The following MYSM1 variants were observed in gnomAD, a reference collection of about 807,000 sequenced individuals.
MYSM1 encodes the protein Myb like, SWIRM and MPN domains 1.
In MYSM1, 51 loss-of-function variants were observed where a neutral mutation model predicts 116.0. The ratio of observed to expected loss-of-function variants is 0.44; its 90% CI spans 0.35 to 0.56. The LOEUF (loss-of-function observed/expected upper bound fraction) is 0.56, where lower values mean the gene tolerates loss of function less well. Ranked by LOEUF, MYSM1 falls within the 20% of genes least tolerant of loss-of-function variation. The pLI is 0.00. For missense variants in MYSM1, 900 were observed against 974.9 expected (o/e 0.92, Z 1.02); for synonymous variants, 313 against 315.2 (o/e 0.99, Z 0.07).
At chr1:58,672,687 TAA>T (rs1415200435) in intron 11 of MYSM1, among the ~76,000 whole-genome samples, 2 of 152,138 alleles carry the variant, frequency 1.3e-5, no homozygotes, top group African/African-American at 4.8e-5. Context: ...TCCCTCAGCC[TAA>T]AGTGTATTCA....
At chr1:58,662,495 A>G (rs1418266702) in intron 17 of MYSM1, among the ~76,000 whole-genome samples, 1 of 148,636 alleles carries the variant, frequency 6.7e-6, no homozygotes, top group African/African-American at 2.5e-5. Context: ...ACTACGTCAT[A>G]GAAAGGTTAA....
At chr1:58,693,024 A>T in intron 2 of MYSM1, 93 bp from the exon 3 acceptor site, 3 of 986,648 alleles carry the variant, frequency 3.0e-6, no homozygotes, top group Non-Finnish European at 4.5e-6. Context: ...TATAATGATT[A>T]TAAATGACAG....
chr1:58,674,700 C>T (rs182096047), intron 10 of MYSM1, among the ~76,000 whole-genome samples: 2,484 of 151,938 alleles, frequency 0.016, 69 homozygotes, highest in African/African-American at 0.058. Flanking sequence ...CCAAGGCGGG[C>T]GGATCATGAG....
At chr1:58,699,689 G>A (rs1645034697) in intron 1 of MYSM1, 1 of 985,452 alleles carries the variant, frequency 1.0e-6, no homozygotes, top group Non-Finnish European at 1.2e-6. Flanking sequence ...AGGAGGGAAC[G>A]GAAGAAGGAA....
At chr1:58,663,537 A>G (rs1644425046) in intron 17 of MYSM1, among the ~76,000 whole-genome samples, 1 of 152,236 alleles carries the variant, frequency 6.6e-6, no homozygotes, top group Non-Finnish European at 1.5e-5. Context: ...GGGCAAAGCA[A>G]AAGACCTAGG....
intron 6 of MYSM1, 131 bp downstream of exon 6, chr1:58,688,907 G>A (rs1644865558): frequency 1.4e-6 from 1 of 728,996 alleles, no homozygotes; most frequent in African/African-American, 1.8e-5. Flanking sequence ...TCTAACTACA[G>A]AAGAACTAAA....
intron 8 of MYSM1, among the ~76,000 whole-genome samples, chr1:58,680,880 G>A (rs1644731567): frequency 6.6e-6 from 1 of 150,728 alleles, no homozygotes; most frequent in Non-Finnish European, 1.5e-5. Flanking sequence ...GGAGTGCAGT[G>A]GCACGATCTC....
chr1:58,668,427 C>G (rs1569719765), intron 14 of MYSM1: 1 of 1,315,282 alleles, frequency 7.6e-7, no homozygotes, highest in East Asian at 3.3e-5. Context: ...TGCAAAAACT[C>G]ACATTAATTT....
rs371144064 is a variant in MYSM1 at position 58,671,857 on chromosome 1, T to C, written c.1661+13A>G. 1.8e-5 allele frequency: 29 copies of C among 1,601,108 alleles called. No homozygotes were observed. Among genetic ancestry groups the C allele is most frequent in the Non-Finnish European group, 2.1e-5 (25 of 1,172,266 alleles). ...GATAAATGTTTAAAAACCACATTTA[T>C]ATAACACTACACCTTTTTGTTGGTC... On this transcript the variant is annotated intron_variant, in intron 12 of 19. Coordinates refer to ENST00000472487, the MANE Select transcript of MYSM1 (RefSeq NM_001085487.3).
intron 14 of MYSM1, among the ~76,000 whole-genome samples, chr1:58,668,142 AAAATTCTC>A (rs1480283495): frequency 1.3e-5 from 2 of 152,208 alleles, no homozygotes; most frequent in Non-Finnish European, 2.9e-5. Flanking sequence ...CAAACACTTA[AAAATTCTC>A]AGACTCTACT....
chr1:58,665,605 C>T lies in MYSM1; in HGVS notation c.2058G>A (p.Lys686=), dbSNP rs1281730909. Residue 686 remains lysine (K), a synonymous_variant, in exon 17 of 20, where the codon AAG becomes AAA. Transcript: ENST00000472487. ...AGGGACTAACAATCATCCCAATGAA[C>T]TTTGCACCTCCTCTGGAGAAGTAAC... ...YQSYFSRGGA[K]FIGMIVSPYN... 1 of 1,570,410 alleles carries T rather than the reference C, an allele frequency of 6.4e-7. No homozygotes were observed. The highest frequency in any genetic ancestry group is 8.7e-7 in the Non-Finnish European group (1 of 1,143,034).
rs572794166 is a variant in MYSM1, at chr1:58,654,852, G to A, written c.*5145C>T. 1 of 152,294 alleles carries A rather than the reference G, an allele frequency of 6.6e-6. No individual in the cohort carries two copies. The highest frequency in any genetic ancestry group is 2.1e-4 in the South Asian group (1 of 4,826). 9.4% of individuals were successfully genotyped at this position (152,294 alleles called of 1,614,324 possible). ...ATATCTTATAATGTGTCACAATTAA[G>A]TATGGAGAGTTCTGTCATTTTTGAG... On this transcript the variant is annotated 3_prime_UTR_variant, in exon 20 of 20. Transcript: ENST00000472487.
chr1:58,679,646 A>G (rs989599360), intron 8 of MYSM1, among the ~76,000 whole-genome samples: 1 of 152,252 alleles, frequency 6.6e-6, no homozygotes, highest in Non-Finnish European at 1.5e-5. Context: ...TTTTGTAGGG[A>G]CAGGGTCTTG....
Position 58,682,419 on chromosome 1 carries a change from A to C in MYSM1, c.625T>G (p.Leu209Val). 1 of 1,614,162 alleles carries C rather than the reference A, an allele frequency of 6.2e-7. No homozygotes were observed. Among genetic ancestry groups the C allele is most frequent in the Non-Finnish European group, 8.5e-7 (1 of 1,180,042 alleles). The change falls in exon 8 of 20, where the codon TTG (leucine) becomes GTG (valine). Residue 209 changes from leucine to valine, a missense_variant. Leu to Val is a conservative substitution (Grantham distance 32). Around this residue, in one of 3 missense-constraint regions of MYSM1, gnomAD observed 622 missense variants for 623.7 expected, o/e 1.00. Coordinates refer to ENST00000472487, the MANE Select transcript of MYSM1 (RefSeq NM_001085487.3). ...AACTTTTCAATTTTTACAGCATTCA[A>C]GTTGGGATCAGCACGTCCCCTTAAA... ...SCLRGRADPN[L>V]NAVKIEKLSD...
rs914681143 is a variant in MYSM1, at chr1:58,674,627, A to G, written c.1494+850T>C. On this transcript the variant is annotated intron_variant, in intron 10 of 19. Coordinates refer to ENST00000472487, the MANE Select transcript of MYSM1 (RefSeq NM_001085487.3). ...CAGGATCATATTATGACTCTGCCTT[A>G]TAAAGAGTGTTGGATCGGCTGCACA... Among the ~76,000 whole-genome samples the G allele has an allele frequency of 2.0e-5, 3 of 152,198 alleles. No homozygotes were observed. In the East Asian group the frequency reaches 5.8e-4, roughly 29 times the overall value.
intron 6 of MYSM1, among the ~76,000 whole-genome samples, chr1:58,687,443 C>T (rs1389105354): frequency 6.6e-6 from 1 of 152,114 alleles, no homozygotes; most frequent in Non-Finnish European, 1.5e-5. Flanking sequence ...CCCATAAGTA[C>T]CACCAACATA....
Position 58,682,122 on chromosome 1 carries a change from A to AT in MYSM1, c.921dup (p.Ser308IlefsTer3), listed in dbSNP as rs1644754772. The AT allele has an allele frequency of 1.9e-6, 3 of 1,613,716 alleles. No homozygotes were observed. The highest frequency in any genetic ancestry group is 2.2e-5 in the East Asian group (1 of 44,870). On this transcript the variant is annotated frameshift_variant, in exon 8 of 20. Coordinates refer to ENST00000472487, the MANE Select transcript of MYSM1 (RefSeq NM_001085487.3). LOFTEE classifies it high-confidence loss of function. ...AATTTCTGGTCATTTAATTCAATTG[A>AT]TTTTTTGTCACCATTGCTCTGTTTC...
Position 58,658,917 on chromosome 1 carries a change from TGTGA to T in MYSM1, c.*1076_*1079del, listed in dbSNP as rs1644352872. On this transcript the variant is annotated 3_prime_UTR_variant, in exon 20 of 20. Coordinates refer to ENST00000472487, the MANE Select transcript of MYSM1 (RefSeq NM_001085487.3). ...CCAACAGCCTATGTTTTATGAGGCCTGTGAGTTAACAATGGTTTTTATCATTTTA... is the reference window on the plus strand; with the variant it reads ...CCAACAGCCTATGTTTTATGAGGCCTGTTAACAATGGTTTTTATCATTTTA... 2 of 150,320 alleles carry T rather than the reference TGTGA, an allele frequency of 1.3e-5. No homozygotes were observed. The highest frequency in any genetic ancestry group is 1.3e-4 in the Admixed American group (2 of 14,974). The allele number at this position is 150,320 out of a possible 1,614,324, so 9.3% of individuals were successfully genotyped here.
At chr1:58,671,849 C>A (rs749604531) in intron 12 of MYSM1, 21 bp downstream of exon 12, 13 of 1,567,258 alleles carry the variant, frequency 8.3e-6, no homozygotes, top group Middle Eastern at 1.7e-4. Context: ...GTTTAAAAAC[C>A]ACATTTATAT....
Sources: gnomAD v4.1 joint callset for allele counts (sites outside exome capture counted in the v4.1 genomes callset) on GRCh38, gnomAD v4.1.1 for gene constraint, gnomAD v4.1.1 regional missense constraint, MANE v1.5 for transcripts, NCBI Gene and HGNC (gene_info 2026-07-23, HGNC 2026-07-21) for gene names.